Variants in CRACR2A observed in about 807,000 individuals in gnomAD.
CRACR2A encodes EF-hand calcium-binding domain-containing protein 4B.
A neutral mutation model predicts 90.5 loss-of-function variants in CRACR2A; 79 were observed. That is an observed-to-expected ratio of 0.87 (90% confidence interval 0.73 to 1.05). The LOEUF (loss-of-function observed/expected upper bound fraction) is 1.05. Ranked by LOEUF, CRACR2A falls within the 50% of genes least tolerant of loss-of-function variation. CRACR2A has a pLI of 0.00. For synonymous variants in CRACR2A, 338 were observed against 356.7 expected (o/e 0.95, Z 0.59); for missense variants, 823 against 897.2 (o/e 0.92, Z 1.06).
chr12:3,721,548 G>A (rs1946175364), intron 2 of CRACR2A, among the ~76,000 whole-genome samples: 1 of 144,004 alleles, frequency 6.9e-6, no homozygotes, highest in Admixed American at 7.3e-5. Context: ...TCACACCACT[G>A]TACTCCAGTC....
At chr12:3,665,664 TG>T (rs772009547) in intron 7 of CRACR2A, among the ~76,000 whole-genome samples, 15 of 152,038 alleles carry the variant, frequency 9.9e-5, no homozygotes, top group Non-Finnish European at 2.2e-4. Context: ...AAGTAGAAAC[TG>T]GGGGGTGGAG....
intron 1 of CRACR2A, among the ~76,000 whole-genome samples, chr12:3,734,629 A>ATGTGTGTGTG (rs59680765): frequency 1.7e-4 from 25 of 149,612 alleles, no homozygotes; most frequent in African/African-American, 5.2e-4. Context: ...AGGTGTGTGT[A>ATGTGTGTGTG]TGTGTGTGTG....
At chr12:3,686,543 A>C (rs1945556661) in intron 4 of CRACR2A, among the ~76,000 whole-genome samples, 1 of 152,132 alleles carries the variant, frequency 6.6e-6, no homozygotes, top group South Asian at 2.1e-4. Flanking sequence ...TTGAGGCTCT[A>C]GGTTTTCTCA....
intron 1 of CRACR2A, among the ~76,000 whole-genome samples, chr12:3,745,465 T>C (rs1367627948): frequency 6.6e-6 from 1 of 152,116 alleles, no homozygotes; most frequent in African/African-American, 2.4e-5. Context: ...ATTTCAGCCC[T>C]GCTCAGGTTA....
chr12:3,682,957 AT>A (rs1945485887), intron 4 of CRACR2A, among the ~76,000 whole-genome samples: 1 of 151,902 alleles, frequency 6.6e-6, no homozygotes, highest in Non-Finnish European at 1.5e-5. Context: ...TAATTTTTGT[AT>A]TTTTAGTAGA....
intron 15 of CRACR2A, among the ~76,000 whole-genome samples, chr12:3,629,870 T>C (rs1381134307): frequency 7.3e-6 from 1 of 137,044 alleles, no homozygotes; most frequent in Admixed American, 7.2e-5. Context: ...GATGAAGAGG[T>C]GGCATGTGCA....
At chr12:3,617,091 G>T in intron 18 of CRACR2A, 61 bp from the exon 19 acceptor site, 2 of 1,284,410 alleles carry the variant, frequency 1.6e-6, no homozygotes, top group Non-Finnish European at 2.2e-6. Context: ...TGTGGGGGGT[G>T]GTGGGAGAGC....
At chr12:3,681,550 A>G (rs1180313572) in intron 4 of CRACR2A, among the ~76,000 whole-genome samples, 11 of 152,296 alleles carry the variant, frequency 7.2e-5, no homozygotes, top group South Asian at 6.2e-4. Flanking sequence ...TACCCAAATA[A>G]TCTAGGTCTC....
At chr12:3,663,470 C>T (rs751849815) in intron 7 of CRACR2A, among the ~76,000 whole-genome samples, 1 of 152,180 alleles carries the variant, frequency 6.6e-6, no homozygotes, top group African/African-American at 2.4e-5. Context: ...CTTTCCATGA[C>T]CTTACTCTTC....
intron 2 of CRACR2A, chr12:3,726,859 G>C (rs895305420): frequency 1.3e-5 from 2 of 151,346 alleles, no homozygotes; most frequent in Non-Finnish European, 2.9e-5. Flanking sequence ...AGAAAAGAAA[G>C]AAAGAAAAAA....
At chr12:3,621,676 A>C (rs1160945083) in intron 17 of CRACR2A, among the ~76,000 whole-genome samples, 1 of 145,476 alleles carries the variant, frequency 6.9e-6, no homozygotes, top group East Asian at 2.0e-4. Context: ...AAAAAAAAAA[A>C]AAAAACCAAA....
chr12:3,720,279 GAGAAAGAAAGAAAGAAAA>G (rs1276721317), intron 2 of CRACR2A, among the ~76,000 whole-genome samples: 96 of 134,120 alleles, frequency 7.2e-4, no homozygotes, highest in African/African-American at 2.5e-3. Flanking sequence ...GAAAGAGAGA[GAGAAAGAAAGAAAGAAAA>G]AGAAAGAAAG....
chr12:3,683,749 G>A (rs1945499500), intron 4 of CRACR2A, among the ~76,000 whole-genome samples: 1 of 152,224 alleles, frequency 6.6e-6, no homozygotes, highest in Non-Finnish European at 1.5e-5. Flanking sequence ...GTGTCCCCAG[G>A]ATCTAGCCCA....
chr12:3,617,773 T>C (rs973904127), intron 18 of CRACR2A, among the ~76,000 whole-genome samples: 4 of 152,220 alleles, frequency 2.6e-5, no homozygotes, highest in African/African-American at 9.6e-5. Context: ...GGCTTTTAGA[T>C]GGCCTGTTCT....
intron 3 of CRACR2A, among the ~76,000 whole-genome samples, chr12:3,706,109 T>C (rs1189915071): frequency 6.6e-6 from 1 of 152,208 alleles, no homozygotes; most frequent in African/African-American, 2.4e-5. Context: ...GCAGGACCCA[T>C]TATTAAATGT....
chr12:3,724,432 A>C (rs2137824928), intron 2 of CRACR2A, among the ~76,000 whole-genome samples: 1 of 152,346 alleles, frequency 6.6e-6, no homozygotes, highest in Admixed American at 6.5e-5. Flanking sequence ...TCTGCGCTTC[A>C]TCATGCAGTG....
At chr12:3,649,728 G>A (rs1262194232) in intron 10 of CRACR2A, among the ~76,000 whole-genome samples, 1 of 151,876 alleles carries the variant, frequency 6.6e-6, no homozygotes, top group Non-Finnish European at 1.5e-5. Context: ...CACAGTGCCT[G>A]GCATGGAGGT....
In CRACR2A at chr12:3,639,457, A is replaced by AACACACAC. The variant is rs9300301; in HGVS notation, c.1272-1011_1272-1004dup. On this transcript the variant is annotated intron_variant, in intron 13 of 19. Coordinates refer to ENST00000440314, the MANE Select transcript of CRACR2A (RefSeq NM_001144958.2). ...GGGAGGACCTTAAGTCCAGAATTGA[A>AACACACAC]ACACACACACACACACACACGCATG... Among the ~76,000 whole-genome samples, 42 of 139,464 alleles carry AACACACAC rather than the reference A, an allele frequency of 3.0e-4. 1 individual carries two copies. The highest frequency in any genetic ancestry group is 7.6e-4 in the African/African-American group (28 of 36,750). The allele number at this position is 139,464 out of a possible 152,430, so 91.5% of individuals were successfully genotyped here.
intron 2 of CRACR2A, among the ~76,000 whole-genome samples, chr12:3,713,721 T>C (rs1055340051): frequency 3.9e-5 from 6 of 152,140 alleles, no homozygotes; most frequent in African/African-American, 9.7e-5. Flanking sequence ...CCTTTGAAGA[T>C]AGCGATGTAA....
Sources: allele counts gnomAD v4.1 joint callset (sites outside exome capture counted in the v4.1 genomes callset), GRCh38; gene constraint gnomAD v4.1.1; transcripts MANE v1.5; gene names NCBI Gene and HGNC (gene_info 2026-07-23, HGNC 2026-07-21).